Variants in TECPR1 observed in about 807,000 individuals in gnomAD.
TECPR1 encodes the protein tectonin beta-propeller repeat containing 1, also known as tectonin beta-propeller repeat-containing protein 1.
TECPR1 carries 122 observed loss-of-function variants against 162.4 expected under a neutral mutation model. That is an observed-to-expected ratio of 0.75 (90% confidence interval 0.65 to 0.87). The LOEUF (loss-of-function observed/expected upper bound fraction) is 0.87. Ranked by LOEUF, TECPR1 falls within the 40% of genes least tolerant of loss-of-function variation. The pLI is 0.00. For synonymous variants in TECPR1, 642 were observed against 670.6 expected (o/e 0.96, Z 0.66); for missense variants, 1,432 against 1,618.2 (o/e 0.88, Z 1.97).
At position 98,241,423 on chromosome 7, in the gene TECPR1, C is replaced by G. The variant is rs542690544; in HGVS notation, c.658-179G>C. 1.2e-4 allele frequency among the ~76,000 whole-genome samples: 19 copies of G among 152,226 alleles called. No homozygotes were observed. The highest frequency in any genetic ancestry group is 4.3e-4 in the African/African-American group (18 of 41,528). ...GATTCCGGTGGTCCTGAGGGATACACTTGTTCCATTCATCTGTTTGGGGTG... is the reference window on the plus strand; with the variant it reads ...GATTCCGGTGGTCCTGAGGGATACAGTTGTTCCATTCATCTGTTTGGGGTG... On this transcript the variant is annotated intron_variant, in intron 6 of 25. Transcript: ENST00000447648. This position sits in a 1 kb window ranked among gnomAD's most constrained non-coding sequence, Gnocchi z 5.0.
At chr7:98,250,678 AAGAT>A (rs970753510) in intron 2 of TECPR1, among the ~76,000 whole-genome samples, 2 of 152,146 alleles carry the variant, frequency 1.3e-5, no homozygotes, top group African/African-American at 4.8e-5. Flanking sequence ...CAACAAAACA[AAGAT>A]AGCTCAGAAT....
At position 98,217,191 on chromosome 7, in the gene TECPR1, G is replaced by A. The variant is rs1420475179; in HGVS notation, c.*199C>T. On this transcript the variant is annotated 3_prime_UTR_variant, in exon 26 of 26. Transcript: ENST00000447648. ...GGACTCCTCGCAGACGGGGACACGT[G>A]TGGGAGTGTCCGCGGAGCTTCACAT... The A allele has an allele frequency of 1.7e-6, 1 of 575,504 alleles. No individual in the cohort carries two copies. Among genetic ancestry groups the A allele is most frequent in the Non-Finnish European group, 3.1e-6 (1 of 323,854 alleles). 35.6% of individuals were successfully genotyped at this position (575,504 alleles called of 1,614,324 possible). A position where few individuals can be genotyped will look rare whatever the true frequency, so the allele number is the denominator to read the frequency against.
intron 22 of TECPR1, 109 bp downstream of exon 22, chr7:98,222,277 T>C: frequency 7.0e-7 from 1 of 1,430,504 alleles, no homozygotes; most frequent in Non-Finnish European, 9.3e-7. Flanking sequence ...CTCCCACTTC[T>C]GGGGGAAGTC....
chr7:98,247,088 A>T (rs982995123), intron 2 of TECPR1, among the ~76,000 whole-genome samples: 10 of 151,740 alleles, frequency 6.6e-5, no homozygotes, highest in Non-Finnish European at 1.0e-4. Context: ...CAGTGAGCAG[A>T]CACAGTGCCA....
At position 98,241,110 on chromosome 7, in the gene TECPR1, C is replaced by T. The variant is rs1393912391; in HGVS notation, c.792G>A (p.Gln264=). Residue 264 remains glutamine, a synonymous_variant, in exon 7 of 26, where the codon CAG becomes CAA. Coordinates refer to ENST00000447648, the MANE Select transcript of TECPR1 (RefSeq NM_015395.3). The surrounding 1 kb of genome is among the most constrained non-coding windows in gnomAD (Gnocchi z 5.0). ...DLLWATLWEG[Q]ALVREGINRS... is the part of the protein sequence containing the mutation. Reference sequence around the variant, plus strand: ...TGTTGATTCCTTCCCGGACCAGGGCCTGTCCCTCCCAGAGTGTGGCCCACA... The same window carrying T: ...TGTTGATTCCTTCCCGGACCAGGGCTTGTCCCTCCCAGAGTGTGGCCCACA... 6 of 1,611,316 alleles carry T rather than the reference C, an allele frequency of 3.7e-6. No homozygotes were observed. The highest frequency in any genetic ancestry group is 5.1e-6 in the Non-Finnish European group (6 of 1,179,030).
At chr7:98,246,311 G>A in intron 2 of TECPR1, 146 bp from the exon 3 acceptor site, 1 of 585,270 alleles carries the variant, frequency 1.7e-6, no homozygotes, top group Admixed American at 3.2e-5. Flanking sequence ...CTGTCACCCA[G>A]GCTGGAGTGC....
intron 23 of TECPR1, among the ~76,000 whole-genome samples, chr7:98,220,647 C>T (rs576121462): frequency 1.1e-4 from 16 of 152,148 alleles, no homozygotes; most frequent in African/African-American, 3.6e-4. Context: ...CAAGCTCCGC[C>T]TCTGGGGTTC....
chr7:98,243,182 C>T lies in TECPR1; in HGVS notation c.657+285G>A, dbSNP rs147313911. On this transcript the variant is annotated intron_variant, in intron 6 of 25. Transcript: ENST00000447648. The stretch of plus-strand genomic sequence containing the variant: ...CACACCACCCATCCGTCCAGTGGCA[C>T]ACCTTCTGTCACCCACACACCCACC... Among the ~76,000 whole-genome samples the T allele has an allele frequency of 2.0e-3, 305 of 150,654 alleles. 1 individual carries two copies. The highest frequency in any genetic ancestry group is 7.4e-3 in the African/African-American group (298 of 40,354).
intron 17 of TECPR1, chr7:98,226,508 C>T (rs1798282662): frequency 9.7e-7 from 1 of 1,026,896 alleles, no homozygotes; most frequent in South Asian, 3.4e-5. Context: ...AACACGGACA[C>T]ACAGTATGGC....
At position 98,217,361 on chromosome 7, in the gene TECPR1, G is replaced by A. The variant is rs373837555; in HGVS notation, c.*29C>T. 3.0e-5 allele frequency: 41 copies of A among 1,379,336 alleles called. 1 individual carries two copies. The highest frequency in any genetic ancestry group is 1.8e-4 in the Middle Eastern group (1 of 5,440). 85.4% of individuals were successfully genotyped at this position (1,379,336 alleles called of 1,614,324 possible). ...GCCTTGATCCCCCAAACTGGGCACC[G>A]TCCCTGCATGTAGGTGTGTGGGGGG... is the stretch of plus-strand genomic sequence containing the variant. On this transcript the variant is annotated 3_prime_UTR_variant, in exon 26 of 26. Transcript: ENST00000447648.
intron 13 of TECPR1, 177 bp downstream of exon 13, chr7:98,231,627 T>C (rs2270600): frequency 0.42 from 205,976 of 492,830 alleles, 46,077 homozygotes; most frequent in East Asian, 0.74. Flanking sequence ...TGTACCCCCT[T>C]CCCCGGGCAC....
At chr7:98,234,420 C>T (rs992084419) in intron 10 of TECPR1, among the ~76,000 whole-genome samples, 2 of 152,184 alleles carry the variant, frequency 1.3e-5, no homozygotes, top group Non-Finnish European at 2.9e-5. Context: ...TCCCAAAGTG[C>T]TGGGATTACA....
chr7:98,221,616 C>A (rs753586953), intron 23 of TECPR1, 45 bp downstream of exon 23: 15 of 1,570,592 alleles, frequency 9.6e-6, no homozygotes, highest in Non-Finnish European at 1.3e-5. Context: ...TGTGAGCCAC[C>A]ATGCCCAGCC....
Position 98,231,235 on chromosome 7 carries a change from T to A in TECPR1, c.2113A>T (p.Met705Leu). The change falls in exon 14 of 26, where the codon ATG (methionine) becomes TTG (leucine). Residue 705 changes from methionine to leucine, a missense_variant. Transcript: ENST00000447648. ...VRLAAATEQD[M>L]NDWLALLSLS... ...CACCGACCACTCACCCAGTCATTCA[T>A]GTCCTGCTCGGTGGCAGCAGCCAGA... 6.2e-7 allele frequency: 1 copy of A among 1,612,700 alleles called. No homozygotes were observed. The highest frequency in any genetic ancestry group is 8.5e-7 in the Non-Finnish European group (1 of 1,179,740).
intron 19 of TECPR1, 127 bp downstream of exon 19, chr7:98,224,674 G>T (rs1798229861): frequency 4.4e-6 from 4 of 907,616 alleles, no homozygotes; most frequent in South Asian, 1.7e-5. Context: ...GGCACCAGGG[G>T]TCTGCTCCTT....
intron 10 of TECPR1, among the ~76,000 whole-genome samples, chr7:98,235,498 CT>C (rs1418995136): frequency 7.3e-6 from 1 of 136,716 alleles, no homozygotes; most frequent in African/African-American, 2.8e-5. Context: ...GCACTCCAGC[CT>C]GGGCGACAGA....
chr7:98,233,836 T>C lies in TECPR1; in HGVS notation c.1257A>G (p.Glu419=), dbSNP rs1252902874. 7 of 1,588,542 alleles carry C rather than the reference T, an allele frequency of 4.4e-6. No individual in the cohort carries two copies. The highest frequency in any genetic ancestry group is 6.0e-6 in the Non-Finnish European group (7 of 1,167,908). Residue 419 remains glutamate (E), a synonymous_variant, in exon 11 of 26, where the codon GAA becomes GAG. Coordinates refer to ENST00000447648, the MANE Select transcript of TECPR1 (RefSeq NM_015395.3). ...SAPSDTDASS[E]VERPGPGQIL... ...TCTGGCCAGGCCCTGGTCTCTCGAC[T>C]TCCGAGGAGGCATCGGTGTCGCTGG...
Position 98,223,087 on chromosome 7 carries a change from G to A in TECPR1, c.2831C>T (p.Pro944Leu), listed in dbSNP as rs11762014. Reference protein sequence around the residue: ...LRDVSIIPESPGAEGSGHSIA... With the variant: ...LRDVSIIPESLGAEGSGHSIA... ...GCTGTGCCCACTCCCCTCGGCACCCGGGCTCTCCGGGATGATGGACACGTC... is the reference window on the plus strand; with the variant it reads ...GCTGTGCCCACTCCCCTCGGCACCCAGGCTCTCCGGGATGATGGACACGTC... Residue 944 changes from proline (P) to leucine (L), a missense_variant, in exon 21 of 26, where the codon CCG (proline) becomes CTG (leucine). Physicochemically the swap from Pro to Leu is moderately conservative, Grantham distance 98. Coordinates refer to ENST00000447648, the MANE Select transcript of TECPR1 (RefSeq NM_015395.3). 0.18 allele frequency: 287,291 copies of A among 1,601,790 alleles called. 28,023 individuals carry two copies. Among genetic ancestry groups the A allele is most frequent in the Admixed American group, 0.33 (19,132 of 58,102 alleles).
intron 11 of TECPR1, 61 bp from the exon 12 acceptor site, chr7:98,233,033 C>G: frequency 6.6e-7 from 1 of 1,512,408 alleles, no homozygotes; most frequent in Admixed American, 2.1e-5. Context: ...GGGCAGGAAG[C>G]CACGGCGCTC....
Sources: allele counts gnomAD v4.1 joint callset (sites outside exome capture counted in the v4.1 genomes callset), GRCh38; gene constraint gnomAD v4.1.1; non-coding constraint Gnocchi (gnomAD v3.1); transcripts MANE v1.5; gene names NCBI Gene and HGNC (gene_info 2026-07-23, HGNC 2026-07-21).